Variants in ERBB4 observed in about 807,000 individuals in gnomAD.
The protein encoded by ERBB4 is receptor tyrosine-protein kinase erbB-4.
Under a neutral mutation model 158.0 loss-of-function variants are expected in ERBB4, and 42 were observed. The ratio of observed to expected loss-of-function variants is 0.27; its 90% CI spans 0.21 to 0.34. The LOEUF (loss-of-function observed/expected upper bound fraction) is 0.34. Ranked by LOEUF, ERBB4 falls within the 10% of genes least tolerant of loss-of-function variation. The pLI, the probability that ERBB4 is intolerant of heterozygous loss-of-function variation, is 1.00. For synonymous variants in ERBB4, 583 were observed against 558.7 expected, an observed-to-expected ratio of 1.04 and a Z score of -0.61; for missense variants, 1,333 against 1,624.1, an observed-to-expected ratio of 0.82 and a Z score of 3.08.
chr2:212,414,301 G>C (rs1574874273), intron 1 of ERBB4, among the ~76,000 whole-genome samples: 1 of 152,200 alleles, frequency 6.6e-6, no homozygotes, highest in Non-Finnish European at 1.5e-5. Context: ...TTAGTGAAAG[G>C]CTACAAAATT....
At chr2:211,910,544 G>T (rs2079516710) in intron 3 of ERBB4, among the ~76,000 whole-genome samples, 1 of 151,658 alleles carries the variant, frequency 6.6e-6, no homozygotes. Flanking sequence ...TAGACACATA[G>T]AGAGGAATAA....
chr2:211,593,940 C>T (rs1011040493), intron 19 of ERBB4, among the ~76,000 whole-genome samples: 10 of 152,140 alleles, frequency 6.6e-5, no homozygotes, highest in Admixed American at 4.6e-4. Flanking sequence ...TCCAGCACCA[C>T]AGCTACCGAA....
chr2:211,682,774 C>A (rs575434912), intron 12 of ERBB4, among the ~76,000 whole-genome samples: 1 of 152,080 alleles, frequency 6.6e-6, no homozygotes, highest in Non-Finnish European at 1.5e-5. Context: ...TATTTGAAGT[C>A]CATGTCTTGT....
intron 4 of ERBB4, among the ~76,000 whole-genome samples, chr2:211,785,015 A>G (rs2076123723): frequency 6.6e-6 from 1 of 151,934 alleles, no homozygotes; most frequent in Admixed American, 6.6e-5. Context: ...ATTCCCTATC[A>G]GATACATGAT....
intron 3 of ERBB4, among the ~76,000 whole-genome samples, chr2:211,799,877 T>C (rs1035166480): frequency 1.3e-5 from 2 of 152,110 alleles, no homozygotes; most frequent in Non-Finnish European, 2.9e-5. Context: ...TAAATACCCT[T>C]TTCAGAGAGA....
chr2:212,456,903 C>A (rs1688318175), intron 1 of ERBB4, among the ~76,000 whole-genome samples: 1 of 151,732 alleles, frequency 6.6e-6, no homozygotes, highest in African/African-American at 2.4e-5. Context: ...CCTTTTTTCT[C>A]CCCTAAATAT....
intron 1 of ERBB4, among the ~76,000 whole-genome samples, chr2:212,228,708 G>C (rs1480313543): frequency 6.6e-6 from 1 of 152,210 alleles, no homozygotes; most frequent in Non-Finnish European, 1.5e-5. Context: ...GCAGTGGAAA[G>C]CAAATGGAGA....
At chr2:211,882,053 T>C (rs1481020867) in intron 3 of ERBB4, among the ~76,000 whole-genome samples, 1 of 152,144 alleles carries the variant, frequency 6.6e-6, no homozygotes, top group Non-Finnish European at 1.5e-5. Context: ...CACGGGAAAG[T>C]CCTTCTGCAC....
intron 19 of ERBB4, among the ~76,000 whole-genome samples, chr2:211,592,969 C>T (rs997158840): frequency 1.1e-4 from 16 of 150,940 alleles, no homozygotes; most frequent in East Asian, 5.9e-4. Flanking sequence ...AAGATTATTG[C>T]ACCACTGCAC....
chr2:211,572,876 C>T (rs553979250), intron 19 of ERBB4, among the ~76,000 whole-genome samples: 7 of 152,206 alleles, frequency 4.6e-5, no homozygotes, highest in African/African-American at 1.2e-4. Context: ...ATGGCAAATA[C>T]GTGGCTTGCA....
intron 3 of ERBB4, among the ~76,000 whole-genome samples, chr2:211,812,599 C>T (rs2076784553): frequency 6.6e-6 from 1 of 152,240 alleles, no homozygotes; most frequent in Non-Finnish European, 1.5e-5. Flanking sequence ...ACGTTTAAGT[C>T]TGCAGAAGTT....
At chr2:212,246,905 G>C (rs17417981) in intron 1 of ERBB4, among the ~76,000 whole-genome samples, 23,395 of 152,074 alleles carry the variant, frequency 0.15, 2,218 homozygotes, top group Non-Finnish European at 0.2. Context: ...ATTTCATTCA[G>C]TGTTTTTGGG....
In ERBB4 at chr2:211,621,976, G is replaced by A. The variant is rs147028590; in HGVS notation, c.2202+1946C>T. ...GTAGCATTTACTAGATAATTCAGGTGGGGAAAAATCCTGCAATCAATCATT... is the reference window on the plus strand; with the variant it reads ...GTAGCATTTACTAGATAATTCAGGTAGGGAAAAATCCTGCAATCAATCATT... On this transcript the variant is annotated intron_variant, in intron 18 of 27. Coordinates refer to ENST00000342788, the MANE Select transcript of ERBB4 (RefSeq NM_005235.3). Among the ~76,000 whole-genome samples, 240 of 152,132 alleles carry A rather than the reference G, an allele frequency of 1.6e-3. 2 individuals carry two copies. The East Asian group carries it at 0.039, about 25-fold the overall frequency.
intron 1 of ERBB4, among the ~76,000 whole-genome samples, chr2:212,177,918 G>A (rs1395802265): frequency 6.6e-6 from 1 of 150,820 alleles, no homozygotes; most frequent in Non-Finnish European, 1.5e-5. Context: ...ATGAAATCAA[G>A]TTAAAAAGGC....
chr2:212,049,220 T>C (rs1214090385), intron 2 of ERBB4, among the ~76,000 whole-genome samples: 1 of 152,166 alleles, frequency 6.6e-6, no homozygotes, highest in Non-Finnish European at 1.5e-5. Flanking sequence ...TTATAATATC[T>C]CTGTTAAATT....
chr2:212,287,466 C>T (rs964359064), intron 1 of ERBB4, among the ~76,000 whole-genome samples: 1 of 152,114 alleles, frequency 6.6e-6, no homozygotes, highest in Non-Finnish European at 1.5e-5. Context: ...TTTCTATTAA[C>T]ATAATTTTTT....
intron 12 of ERBB4, among the ~76,000 whole-genome samples, chr2:211,684,216 C>A (rs996471760): frequency 6.6e-6 from 1 of 152,088 alleles, no homozygotes; most frequent in South Asian, 2.1e-4. Flanking sequence ...TTTTGAGAGG[C>A]CAAAGCTGGT....
At chr2:211,884,132 T>C (rs957230718) in intron 3 of ERBB4, among the ~76,000 whole-genome samples, 1 of 152,184 alleles carries the variant, frequency 6.6e-6, no homozygotes, top group Non-Finnish European at 1.5e-5. Context: ...TTTTGCTCTA[T>C]TACGTTTAAA....
At chr2:211,797,688 A>C (rs2076411111) in intron 3 of ERBB4, among the ~76,000 whole-genome samples, 1 of 151,952 alleles carries the variant, frequency 6.6e-6, no homozygotes, top group Non-Finnish European at 1.5e-5. Flanking sequence ...AATGCCTAGA[A>C]TGTTAATTTT....
Sources: allele counts gnomAD v4.1 joint callset (sites outside exome capture counted in the v4.1 genomes callset), GRCh38; gene constraint gnomAD v4.1.1; transcripts MANE v1.5; gene names NCBI Gene and HGNC (gene_info 2026-07-23, HGNC 2026-07-21).